MAP2: variants seen among roughly 807,000 people sequenced by gnomAD.
MAP2 encodes the protein microtubule-associated protein 2.
Under a neutral mutation model 137.6 loss-of-function variants are expected in MAP2, and 14 were observed. That is an observed-to-expected ratio of 0.10 (90% confidence interval 0.07 to 0.16). The LOEUF is 0.16. Ranked by LOEUF, MAP2 falls within the 10% of genes least tolerant of loss-of-function variation. The pLI is 1.00. For synonymous variants in MAP2, 786 were observed against 782.3 expected (o/e 1.00, Z -0.08); for missense variants, 2,088 against 2,191.5 (o/e 0.95, Z 0.94).
rs772801266 is a variant in MAP2, at chr2:209,465,842, T to C, written c.-222+41566T>C. Among the ~76,000 whole-genome samples, 24 of 152,108 alleles carry C rather than the reference T, an allele frequency of 1.6e-4. 1 individual carries two copies. The highest frequency in any genetic ancestry group is 3.2e-4 in the Non-Finnish European group (22 of 68,000). ...GGTGTAATTTTTTAAAATAGATATA[T>C]CAATGGGCTGTACTTCATTTTCCAA... On this transcript the variant is annotated intron_variant, in intron 1 of 15. Transcript: ENST00000682079.
intron 3 of MAP2, among the ~76,000 whole-genome samples, chr2:209,601,040 T>C (rs952500761): frequency 2.0e-5 from 3 of 152,170 alleles, no homozygotes; most frequent in African/African-American, 7.2e-5. Context: ...CAAGTTGCTC[T>C]GTAGGCACAG....
intron 3 of MAP2, among the ~76,000 whole-genome samples, chr2:209,612,073 G>T (rs1423474754): frequency 6.6e-6 from 1 of 152,168 alleles, no homozygotes; most frequent in African/African-American, 2.4e-5. Context: ...ACCCAAGAGA[G>T]ATGGCTCTGT....
chr2:209,720,738 A>G (rs1286375899), intron 13 of MAP2, among the ~76,000 whole-genome samples: 3 of 148,966 alleles, frequency 2.0e-5, no homozygotes, highest in Non-Finnish European at 4.4e-5. Context: ...TTTTTCCTTC[A>G]TATCATGAGC....
intron 1 of MAP2, among the ~76,000 whole-genome samples, chr2:209,449,417 C>T (rs1265585319): frequency 6.6e-6 from 1 of 152,156 alleles, no homozygotes; most frequent in Non-Finnish European, 1.5e-5. Context: ...GTTTCCCTCT[C>T]CTTCCATGTC....
intron 2 of MAP2, among the ~76,000 whole-genome samples, chr2:209,532,420 A>C (rs1270595078): frequency 6.6e-6 from 1 of 152,100 alleles, no homozygotes; most frequent in Admixed American, 6.6e-5. Context: ...TATTTCATTG[A>C]ATCCTTTAGC....
rs181359722 is a variant in MAP2 at position 209,572,390 on chromosome 2, G to C, written c.-171-7646G>C. 2.1e-3 allele frequency among the ~76,000 whole-genome samples: 318 copies of C among 152,074 alleles called. 1 individual carries two copies. The highest frequency in any genetic ancestry group is 7.4e-3 in the African/African-American group (307 of 41,466). On this transcript the variant is annotated intron_variant, in intron 2 of 15. Transcript: ENST00000682079. ...ATTTGTTTTTCATCCAAGTTCAGTGGAGATACTAAATATTTTGTTTAAATA... is the reference window on the plus strand; with the variant it reads ...ATTTGTTTTTCATCCAAGTTCAGTGCAGATACTAAATATTTTGTTTAAATA...
intron 2 of MAP2, among the ~76,000 whole-genome samples, chr2:209,514,981 G>A (rs2062259713): frequency 6.6e-6 from 1 of 152,108 alleles, no homozygotes; most frequent in Non-Finnish European, 1.5e-5. Context: ...GTAAAATTAT[G>A]TGCCTTTTCT....
At chr2:209,449,425 G>A (rs1699839466) in intron 1 of MAP2, among the ~76,000 whole-genome samples, 1 of 152,096 alleles carries the variant, frequency 6.6e-6, no homozygotes, top group African/African-American at 2.4e-5. Context: ...CTCCTTCCAT[G>A]TCCATAGTCT....
At chr2:209,505,721 C>T (rs763397502) in intron 1 of MAP2, among the ~76,000 whole-genome samples, 1 of 149,010 alleles carries the variant, frequency 6.7e-6, no homozygotes, top group Non-Finnish European at 1.5e-5. Flanking sequence ...CCTGTAATCC[C>T]AGCACTTTGA....
At chr2:209,466,412 GTT>G (rs1303233836) in intron 1 of MAP2, among the ~76,000 whole-genome samples, 1 of 151,996 alleles carries the variant, frequency 6.6e-6, no homozygotes, top group Non-Finnish European at 1.5e-5. Flanking sequence ...CTAAGGTTTG[GTT>G]TCCTTATCTG....
At chr2:209,520,109 C>A (rs1329961628) in intron 2 of MAP2, among the ~76,000 whole-genome samples, 2 of 152,064 alleles carry the variant, frequency 1.3e-5, no homozygotes, top group Non-Finnish European at 2.9e-5. Flanking sequence ...TCCCCATCCC[C>A]ATCCTTTTTT....
At chr2:209,588,752 C>A (rs113455030) in intron 3 of MAP2, among the ~76,000 whole-genome samples, 9 of 152,042 alleles carry the variant, frequency 5.9e-5, no homozygotes, top group African/African-American at 2.2e-4. Context: ...TAATTTTGAA[C>A]ATAACTTCAG....
At chr2:209,481,540 A>T (rs775722690) in intron 1 of MAP2, among the ~76,000 whole-genome samples, 16 of 152,192 alleles carry the variant, frequency 1.1e-4, no homozygotes, top group Non-Finnish European at 8.8e-5. Flanking sequence ...GAGTCCATGG[A>T]TTGACCTATA....
intron 4 of MAP2, among the ~76,000 whole-genome samples, chr2:209,633,400 C>T (rs56853570): frequency 0.17 from 26,001 of 152,094 alleles, 3,270 homozygotes; most frequent in African/African-American, 0.35. Flanking sequence ...TTATTCCCAT[C>T]CAGTTGGTGA....
chr2:209,454,496 C>T (rs1020038282), intron 1 of MAP2, among the ~76,000 whole-genome samples: 5 of 151,824 alleles, frequency 3.3e-5, no homozygotes, highest in Non-Finnish European at 7.4e-5. Context: ...CCACCATGCC[C>T]GGCTAGTTTT....
chr2:209,554,691 A>G (rs1397721820), intron 2 of MAP2, among the ~76,000 whole-genome samples: 1 of 152,074 alleles, frequency 6.6e-6, no homozygotes, highest in Non-Finnish European at 1.5e-5. Flanking sequence ...TTGAGGCTGC[A>G]GTGAGCTGTG....
At chr2:209,652,339 G>C (rs1050763622) in intron 4 of MAP2, among the ~76,000 whole-genome samples, 1 of 152,168 alleles carries the variant, frequency 6.6e-6, no homozygotes, top group Non-Finnish European at 1.5e-5. Flanking sequence ...CCATAAGATA[G>C]GATGTAGGCC....
At chr2:209,720,938 C>T (rs2070484202) in intron 13 of MAP2, among the ~76,000 whole-genome samples, 1 of 151,290 alleles carries the variant, frequency 6.6e-6, no homozygotes, top group Non-Finnish European at 1.5e-5. Flanking sequence ...AACTATAACT[C>T]TTTGATTTTT....
At chr2:209,581,481 G>T (rs2076401540) in intron 3 of MAP2, among the ~76,000 whole-genome samples, 1 of 152,080 alleles carries the variant, frequency 6.6e-6, no homozygotes, top group Non-Finnish European at 1.5e-5. Flanking sequence ...GTGGAATCGT[G>T]TATGAAATCC....
Sources: gnomAD v4.1 joint callset for allele counts (sites outside exome capture counted in the v4.1 genomes callset) on GRCh38, gnomAD v4.1.1 for gene constraint, MANE v1.5 for transcripts, NCBI Gene and HGNC (gene_info 2026-07-23, HGNC 2026-07-21) for gene names.